Variants in AMZ1 observed in about 807,000 individuals in gnomAD.
AMZ1 encodes the protein archaelysin family metallopeptidase 1, also known as archaemetzincin-1.
Under a neutral mutation model 29.9 loss-of-function variants are expected in AMZ1, and 39 were observed. The observed-to-expected ratio is 1.30, with a 90% CI of 1.01 to 1.70. AMZ1 has a LOEUF of 1.70. AMZ1 is among the 40% of genes most tolerant of loss of function. The pLI, the probability that AMZ1 is intolerant of heterozygous loss-of-function variation, is 0.00. For synonymous variants in AMZ1, 458 were observed against 304.0 expected (o/e 1.51, Z -5.27); for missense variants, 1,041 against 680.6 (o/e 1.53, Z -5.89).
downstream of AMZ1, among the ~76,000 whole-genome samples, chr7:2,723,009 CAAAAT>C (rs1416531938): frequency 7.4e-5 from 11 of 148,732 alleles, no homozygotes; most frequent in Non-Finnish European, 1.5e-4. Context: ...TAAAATAAAA[CAAAAT>C]AAAAATCAAG....
intron 4 of AMZ1, among the ~76,000 whole-genome samples, chr7:2,756,536 G>T (rs1791303533): frequency 6.6e-6 from 1 of 152,038 alleles, no homozygotes; most frequent in Non-Finnish European, 1.5e-5. Flanking sequence ...GATCTCTTGA[G>T]CCCGGGAGGT....
chr7:2,737,583 C>G (rs555717555), intron 4 of AMZ1, among the ~76,000 whole-genome samples: 1 of 152,106 alleles, frequency 6.6e-6, no homozygotes, highest in Non-Finnish European at 1.5e-5. Flanking sequence ...GCCACAGCGC[C>G]CGGCCCTGTC....
chr7:2,709,696 C>G lies in AMZ1; in HGVS notation c.828C>G (p.Arg276=). 6 of 1,610,984 alleles carry G rather than the reference C, an allele frequency of 3.7e-6. No individual in the cohort carries two copies. Among genetic ancestry groups the G allele is most frequent in the Non-Finnish European group, 5.1e-6 (6 of 1,179,788 alleles). ...LLGLGNCRWL[R]CLMQGALSLD... ...GCCTGGGGAACTGCCGCTGGCTCCG[C>G]TGCCTCATGCAGGGTGCGCTCAGCC... The change falls in exon 6 of 7, where the codon CGC becomes CGG. Residue 276 remains arginine (R), a synonymous_variant. Coordinates refer to ENST00000683327, the MANE Select transcript of AMZ1 (RefSeq NM_001384743.1).
In AMZ1 at chr7:2,716,950, G is replaced by A. The variant is rs1255139589; in HGVS notation, c.*4072G>A. ...CAGTCTGTTCTTGCTTGAACCCCGA[G>A]TTCTCCCGCTGTTGTGCAGCTTTCT... On this transcript the variant is annotated 3_prime_UTR_variant, in exon 7 of 7. Coordinates refer to ENST00000683327, the MANE Select transcript of AMZ1 (RefSeq NM_001384743.1). 6.6e-6 allele frequency among the ~76,000 whole-genome samples: 1 copy of A among 152,204 alleles called. No homozygotes were observed.
At chr7:2,734,583 C>T (rs764756717) in intron 4 of AMZ1, among the ~76,000 whole-genome samples, 3 of 152,216 alleles carry the variant, frequency 2.0e-5, no homozygotes, top group African/African-American at 4.8e-5. Context: ...TGGAGAAAGG[C>T]GGCCAGCACC....
chr7:2,707,427 G>T (rs1006177869), intron 3 of AMZ1, among the ~76,000 whole-genome samples: 3 of 152,090 alleles, frequency 2.0e-5, no homozygotes, highest in Admixed American at 6.6e-5. Flanking sequence ...CCCTCTCCGG[G>T]TTTCCTGGGC....
At position 2,717,913 on chromosome 7, in the gene AMZ1, C is replaced by T. The variant is rs2115226848; in HGVS notation, c.*5035C>T. 6.6e-6 allele frequency among the ~76,000 whole-genome samples: 1 copy of T among 152,328 alleles called. No individual in the cohort carries two copies. Among genetic ancestry groups the T allele is most frequent in the East Asian group, 1.9e-4 (1 of 5,178 alleles). The stretch of plus-strand genomic sequence containing the variant: ...GGGTCACCACGCGTTCAGTCCAACT[C>T]TTCCCCGCTGCAGTGTTCCCGTGAC... On this transcript the variant is annotated 3_prime_UTR_variant, in exon 7 of 7. Transcript: ENST00000683327.
intron 1 of AMZ1, among the ~76,000 whole-genome samples, chr7:2,680,443 C>T (rs897738084): frequency 2.6e-5 from 4 of 152,174 alleles, no homozygotes; most frequent in African/African-American, 4.8e-5. Flanking sequence ...TCCAGGAGCC[C>T]AGACATGCAG....
intron 1 of AMZ1, among the ~76,000 whole-genome samples, chr7:2,691,764 C>T (rs1373378917): frequency 7.0e-6 from 1 of 142,348 alleles, no homozygotes; most frequent in African/African-American, 2.7e-5. Flanking sequence ...GATTTTGGGG[C>T]TTTGCAGGGT....
rs534897386 is a variant in AMZ1 at position 2,700,561 on chromosome 7, C to T, written c.110C>T (p.Ser37Phe). The T allele has an allele frequency of 4.0e-5, 65 of 1,609,950 alleles. No homozygotes were observed. The highest frequency in any genetic ancestry group is 5.4e-5 in the Non-Finnish European group (64 of 1,179,966). The change falls in exon 2 of 7, where the codon TCC becomes TTC. Residue 37 changes from serine (S) to phenylalanine (F), a missense_variant. By Grantham distance (155) the Ser-to-Phe change is radical. Coordinates refer to ENST00000683327, the MANE Select transcript of AMZ1 (RefSeq NM_001384743.1). ...CAGCAGCTGTATGTGTCCGCCTTCTCCCCTGCCGAGCGGCTCTTCCTGGCC... is the reference window on the plus strand; with the variant it reads ...CAGCAGCTGTATGTGTCCGCCTTCTTCCCTGCCGAGCGGCTCTTCCTGGCC... The part of the protein sequence containing the change: ...ALQQLYVSAF[S>F]PAERLFLAEA...
intron 1 of AMZ1, among the ~76,000 whole-genome samples, chr7:2,689,278 C>T (rs1787240095): frequency 6.6e-6 from 1 of 152,122 alleles, no homozygotes; most frequent in African/African-American, 2.4e-5. Flanking sequence ...CATGAGTGCC[C>T]GGAGCTGTGC....
downstream of AMZ1, among the ~76,000 whole-genome samples, chr7:2,722,892 T>C (rs978543941): frequency 4.2e-4 from 64 of 152,270 alleles, no homozygotes; most frequent in African/African-American, 1.5e-3. Flanking sequence ...GTGGGAGGAC[T>C]GCTTGAGCCC....
intron 3 of AMZ1, among the ~76,000 whole-genome samples, chr7:2,707,383 G>A (rs543448489): frequency 5.3e-5 from 8 of 151,758 alleles, no homozygotes; most frequent in South Asian, 2.1e-4. Context: ...GTGCCTCTGT[G>A]CCGCAACCCC....
intron 4 of AMZ1, among the ~76,000 whole-genome samples, chr7:2,744,681 C>T (rs969309735): frequency 1.3e-5 from 2 of 152,092 alleles, no homozygotes; most frequent in Non-Finnish European, 2.9e-5. Flanking sequence ...ATGACTTTGA[C>T]GAGTTGAGAA....
In AMZ1 at chr7:2,709,717, C is replaced by T. The variant is rs372562708; in HGVS notation, c.849C>T (p.Leu283=). Residue 283 remains leucine, a synonymous_variant, in exon 6 of 7, where the codon CTC becomes CTT. Transcript: ENST00000683327. ...RWLRCLMQGA[L]SLDEALRRPL... ...TCCGCTGCCTCATGCAGGGTGCGCT[C>T]AGCCTGGACGAGGCCCTGCGGCGGC... 6 of 1,611,282 alleles carry T rather than the reference C, an allele frequency of 3.7e-6. No homozygotes were observed. The highest frequency in any genetic ancestry group is 2.1e-4 in the Middle Eastern group (1 of 4,718).
At chr7:2,729,770 A>G (rs1182467658) in intron 4 of AMZ1, 1 of 152,396 alleles carries the variant, frequency 6.6e-6, no homozygotes, top group Non-Finnish European at 1.5e-5. Flanking sequence ...ATGCTAGGAC[A>G]CATCCCAAAA....
In AMZ1 at chr7:2,716,704, C is replaced by G. The variant is rs781206930; in HGVS notation, c.*3826C>G. Among the ~76,000 whole-genome samples the G allele has an allele frequency of 6.6e-6, 1 of 152,204 alleles. No individual in the cohort carries two copies. The highest frequency in any genetic ancestry group is 1.5e-5 in the Non-Finnish European group (1 of 68,036). ...GGCCTCGGAGAGAGGGACCGGCTGC[C>G]CTGCCCAAGGCCCACCTGGACAGGC... is the stretch of plus-strand genomic sequence containing the variant. On this transcript the variant is annotated 3_prime_UTR_variant, in exon 7 of 7. Coordinates refer to ENST00000683327, the MANE Select transcript of AMZ1 (RefSeq NM_001384743.1).
intron 4 of AMZ1, among the ~76,000 whole-genome samples, chr7:2,727,594 T>A (rs1789674395): frequency 1.3e-5 from 2 of 152,094 alleles, no homozygotes; most frequent in African/African-American, 2.4e-5. Flanking sequence ...CTCAAACTCC[T>A]GCACTCAAGC....
At chr7:2,745,986 T>C (rs552134896) in intron 4 of AMZ1, among the ~76,000 whole-genome samples, 6 of 152,242 alleles carry the variant, frequency 3.9e-5, no homozygotes, top group African/African-American at 9.6e-5. Flanking sequence ...TAAATATATA[T>C]GCAAACAATA....
Sources: allele counts gnomAD v4.1 joint callset (sites outside exome capture counted in the v4.1 genomes callset), GRCh38; gene constraint gnomAD v4.1.1; transcripts MANE v1.5; gene names NCBI Gene and HGNC (gene_info 2026-07-23, HGNC 2026-07-21).